Variants in IGF2BP1 observed in about 807,000 individuals in gnomAD.
IGF2BP1 encodes insulin-like growth factor 2 mRNA-binding protein 1.
Under a neutral mutation model 74.9 loss-of-function variants are expected in IGF2BP1, and 11 were observed. The ratio of observed to expected loss-of-function variants is 0.15; its 90% CI spans 0.09 to 0.24. IGF2BP1 has a LOEUF of 0.24. IGF2BP1 is among the 10% of genes least tolerant of loss of function. The pLI is 1.00. For synonymous variants in IGF2BP1, 287 were observed against 281.8 expected (o/e 1.02, Z -0.18); for missense variants, 440 against 757.4 (o/e 0.58, Z 4.92).
intron 9 of IGF2BP1, 128 bp downstream of exon 9, chr17:49,042,505 C>A (rs1278891108): frequency 1.3e-5 from 12 of 943,880 alleles, no homozygotes; most frequent in Non-Finnish European, 2.0e-5. Context: ...TGCTTTTGGA[C>A]TTCGACTATC....
intron 10 of IGF2BP1, 72 bp downstream of exon 10, chr17:49,043,622 C>T: frequency 6.4e-7 from 1 of 1,555,718 alleles, no homozygotes; most frequent in East Asian, 2.3e-5. Context: ...ACTCAGCATG[C>T]TCTGGGAGTT....
At chr17:49,035,527 C>T (rs2041976209) in intron 5 of IGF2BP1, among the ~76,000 whole-genome samples, 1 of 152,178 alleles carries the variant, frequency 6.6e-6, no homozygotes, top group Non-Finnish European at 1.5e-5. Flanking sequence ...GAGGTGGCAG[C>T]GGTCTGGGGC....
chr17:48,996,887 C>G (rs1567804832), upstream of IGF2BP1, among the ~76,000 whole-genome samples: 1 of 152,038 alleles, frequency 6.6e-6, no homozygotes, highest in African/African-American at 2.4e-5. Context: ...ATTTAAACAT[C>G]TAGGGAAAAG....
chr17:49,027,418 G>C (rs574508659), intron 4 of IGF2BP1, among the ~76,000 whole-genome samples: 162 of 152,316 alleles, frequency 1.1e-3, no homozygotes, highest in Admixed American at 2.0e-3. Flanking sequence ...TAGAAGCTCT[G>C]ATTGGTAGCA....
At chr17:49,038,556 G>C in intron 6 of IGF2BP1, 107 bp downstream of exon 6, 1 of 1,189,832 alleles carries the variant, frequency 8.4e-7, no homozygotes, top group Non-Finnish European at 1.1e-6. Flanking sequence ...TTACCTTTTA[G>C]GAAATGTTGC....
intron 2 of IGF2BP1, chr17:49,012,414 A>T (rs2041631356): frequency 6.6e-6 from 1 of 152,096 alleles, no homozygotes; most frequent in Non-Finnish European, 1.5e-5. Flanking sequence ...GGGGTCACTA[A>T]CTCTTTTCCT....
At chr17:49,026,109 C>T (rs1254318593) in intron 3 of IGF2BP1, among the ~76,000 whole-genome samples, 1 of 152,046 alleles carries the variant, frequency 6.6e-6, no homozygotes. Context: ...CCGTGCCTGG[C>T]CTCATGTAAC....
chr17:49,023,866 C>T (rs906812162), intron 2 of IGF2BP1, among the ~76,000 whole-genome samples: 8 of 150,486 alleles, frequency 5.3e-5, no homozygotes, highest in African/African-American at 7.3e-5. Context: ...GGGTGGTGAG[C>T]GAGTGATCTG....
chr17:49,028,194 T>C (rs547964249), intron 4 of IGF2BP1, among the ~76,000 whole-genome samples: 1 of 152,290 alleles, frequency 6.6e-6, no homozygotes, highest in Non-Finnish European at 1.5e-5. Context: ...TTTGTCCATT[T>C]AGTAATGGAA....
intron 2 of IGF2BP1, among the ~76,000 whole-genome samples, chr17:49,025,370 CAG>C (rs1402676377): frequency 1.5e-5 from 2 of 136,062 alleles, no homozygotes; most frequent in East Asian, 2.2e-4. Flanking sequence ...GGAATGTTAA[CAG>C]AGTGCTTAGA....
intron 2 of IGF2BP1, among the ~76,000 whole-genome samples, chr17:49,025,311 AAAGTGTGTGT>A (rs1047816014): frequency 2.0e-4 from 22 of 108,818 alleles, no homozygotes; most frequent in Middle Eastern, 5.1e-3. Context: ...TGGGACAAAC[AAAGTGTGTGT>A]GTGTGTGTGT....
At chr17:49,003,498 T>G (rs535669842) in intron 2 of IGF2BP1, among the ~76,000 whole-genome samples, 1 of 152,230 alleles carries the variant, frequency 6.6e-6, no homozygotes, top group African/African-American at 2.4e-5. Context: ...CTGTTGATTT[T>G]TGTGTGTGGG....
chr17:49,016,215 G>A (rs1249931221), intron 2 of IGF2BP1, among the ~76,000 whole-genome samples: 2 of 152,208 alleles, frequency 1.3e-5, no homozygotes, highest in Non-Finnish European at 2.9e-5. Flanking sequence ...CAGCCTACTA[G>A]TCCTGCCTCC....
intron 11 of IGF2BP1, 124 bp downstream of exon 11, chr17:49,044,210 T>TC: frequency 7.4e-7 from 1 of 1,345,490 alleles, no homozygotes; most frequent in South Asian, 1.4e-5. Flanking sequence ...GAGGGACCTT[T>TC]CCCCCATGGA....
intron 7 of IGF2BP1, among the ~76,000 whole-genome samples, chr17:49,040,386 T>G (rs1308852164): frequency 6.6e-6 from 1 of 152,160 alleles, no homozygotes; most frequent in African/African-American, 2.4e-5. Flanking sequence ...TGCCTAGTTT[T>G]TTGTGATTTT....
chr17:49,021,901 G>T (rs2041797314), intron 2 of IGF2BP1, among the ~76,000 whole-genome samples: 1 of 152,178 alleles, frequency 6.6e-6, no homozygotes, highest in South Asian at 2.1e-4. Flanking sequence ...GGGGAGATGG[G>T]GGTGGGGCTC....
At chr17:49,003,831 C>T (rs899661044) in intron 2 of IGF2BP1, among the ~76,000 whole-genome samples, 2 of 151,462 alleles carry the variant, frequency 1.3e-5, no homozygotes, top group African/African-American at 4.9e-5. Context: ...GGGTGGATTT[C>T]CCGCTTCCCT....
At position 49,056,014 on chromosome 17, in the gene IGF2BP1, A is replaced by G. The variant is rs989804956; in HGVS notation, c.*6570A>G. On this transcript the variant is annotated 3_prime_UTR_variant, in exon 15 of 15. Transcript: ENST00000290341. ...GGGGGAGGTGGGGCAGCTGGCTCAC[A>G]CGTTGGAGTTTGTTCTTTGATGGAT... 6.6e-6 allele frequency among the ~76,000 whole-genome samples: 1 copy of G among 151,746 alleles called. No individual in the cohort carries two copies. The highest frequency in any genetic ancestry group is 1.9e-4 in the East Asian group (1 of 5,172).
At position 49,040,097 on chromosome 17, in the gene IGF2BP1, T is replaced by G. The variant is rs768861497; in HGVS notation, c.818+6T>G. The G allele has an allele frequency of 6.2e-7, 1 of 1,613,772 alleles. No individual in the cohort carries two copies. The highest frequency in any genetic ancestry group is 8.5e-7 in the Non-Finnish European group (1 of 1,179,904). ...GAGGCTAAGGACACCAAAACGTAAG[T>G]CTCCAGCTTTTCTTGGATCTTCAGG... On this transcript the variant is annotated splice_donor_region_variant and intron_variant, in intron 7 of 14. Transcript: ENST00000290341.
Sources: gnomAD v4.1 joint callset for allele counts (sites outside exome capture counted in the v4.1 genomes callset) on GRCh38, gnomAD v4.1.1 for gene constraint, MANE v1.5 for transcripts, NCBI Gene and HGNC (gene_info 2026-07-23, HGNC 2026-07-21) for gene names.